The following CCZ1B variants were observed in gnomAD, a reference collection of about 807,000 sequenced individuals.
CCZ1B encodes vacuolar fusion protein CCZ1 homolog B.
In CCZ1B, 25 loss-of-function variants were observed where a neutral mutation model predicts 58.8. That is an observed-to-expected ratio of 0.43 (90% confidence interval 0.31 to 0.59). The LOEUF (loss-of-function observed/expected upper bound fraction) is 0.59. Ranked by LOEUF, CCZ1B falls within the 20% of genes least tolerant of loss-of-function variation. The pLI, the probability that CCZ1B is intolerant of heterozygous loss-of-function variation, is 0.12. For synonymous variants in CCZ1B, 66 were observed against 173.2 expected, an observed-to-expected ratio of 0.38 and a Z score of 4.86; for missense variants, 180 against 501.5, an observed-to-expected ratio of 0.36 and a Z score of 6.12.
intron 7 of CCZ1B, among the ~76,000 whole-genome samples, chr7:6,818,604 A>C (rs1783049323): frequency 7.8e-6 from 1 of 128,904 alleles, no homozygotes; most frequent in Non-Finnish European, 1.6e-5. Flanking sequence ...AGAAAGAAAG[A>C]AAGAAAGAAA....
Position 6,824,479 on chromosome 7 carries a change from T to C in CCZ1B, c.288A>G (p.Pro96=), listed in dbSNP as rs909092046. 5 of 1,606,580 alleles carry C rather than the reference T, an allele frequency of 3.1e-6. No individual in the cohort carries two copies. The highest frequency in any genetic ancestry group is 4.2e-6 in the Non-Finnish European group (5 of 1,178,180). The stretch of plus-strand genomic sequence containing the variant: ...CCATGACCATCCAGAAATTTTCTTC[T>C]GGTTCATTGAAGAACTGTCTGTTCT... ...TQKNRQFFNE[P]EENFWMVMVV... Residue 96 remains proline, a synonymous_variant, in exon 3 of 15, where the codon CCA becomes CCG. Coordinates refer to ENST00000316731, the MANE Select transcript of CCZ1B (RefSeq NM_198097.5).
chr7:6,818,565 CAGAA>C (rs1783046860), intron 7 of CCZ1B, among the ~76,000 whole-genome samples: 1 of 105,492 alleles, frequency 9.5e-6, no homozygotes, highest in Non-Finnish European at 2.0e-5. Context: ...GAAAGAAAGA[CAGAA>C]AGAAAGACAG....
At chr7:6,813,162 C>G in intron 8 of CCZ1B, 125 bp from the exon 9 acceptor site, 1 of 1,418,326 alleles carries the variant, frequency 7.1e-7, no homozygotes, top group Non-Finnish European at 9.7e-7. Context: ...GAGACAGGAT[C>G]TTGTTCTGTT....
At chr7:6,818,287 A>G (rs1489222922) in intron 7 of CCZ1B, among the ~76,000 whole-genome samples, 2 of 149,818 alleles carry the variant, frequency 1.3e-5, no homozygotes, top group African/African-American at 5.0e-5. Context: ...GGTGGCTCAC[A>G]CCTGTAATCG....
In CCZ1B at chr7:6,815,162, A is replaced by T. The variant is rs1312540525; in HGVS notation, c.699-317T>A. 3.7e-3 allele frequency among the ~76,000 whole-genome samples: 511 copies of T among 138,972 alleles called. 20 individuals are homozygous for T. The highest frequency in any genetic ancestry group is 7.2e-3 in the Middle Eastern group (2 of 278). The allele number at this position is 138,972 out of a possible 152,430, so 91.2% of individuals were successfully genotyped here. A position where few individuals can be genotyped will look rare whatever the true frequency, so the allele number is the denominator to read the frequency against. ...AAAGCTCATTTTTTATTAAAAAAAAATTTTTTTTTCTTTTTTTTTTTTGAG... is the reference window on the plus strand; with the variant it reads ...AAAGCTCATTTTTTATTAAAAAAAATTTTTTTTTTCTTTTTTTTTTTTGAG... On this transcript the variant is annotated intron_variant, in intron 7 of 14. Transcript: ENST00000316731.
chr7:6,815,789 C>T (rs1782990772), intron 7 of CCZ1B, among the ~76,000 whole-genome samples: 1 of 148,722 alleles, frequency 6.7e-6, no homozygotes, highest in East Asian at 1.9e-4. Flanking sequence ...GGATTGGACT[C>T]GCTGGTTGAA....
chr7:6,819,123 G>GAA (rs1173368085), intron 7 of CCZ1B, among the ~76,000 whole-genome samples: 15,184 of 65,414 alleles, frequency 0.23, 1,900 homozygotes, highest in South Asian at 0.47. Context: ...ATCTCTATAA[G>GAA]AAAAAAAAAA....
At chr7:6,815,922 T>C (rs1782992921) in intron 7 of CCZ1B, among the ~76,000 whole-genome samples, 1 of 145,662 alleles carries the variant, frequency 6.9e-6, no homozygotes, top group African/African-American at 2.6e-5. Flanking sequence ...CCTGGGAAAA[T>C]ATGGGTATGC....
rs775276709 is a variant in CCZ1B, at chr7:6,823,393, T to C, written c.391-33A>G. 5.0e-6 allele frequency: 8 copies of C among 1,605,306 alleles called. No homozygotes were observed. The Admixed American group carries it at 1.3e-4, about 27-fold the overall frequency. ...CGCGAAAACACAGCACACAGCTCAG[T>C]TCAAGGGAAAAACAATGTCTACTGG... On this transcript the variant is annotated intron_variant, in intron 4 of 14. Coordinates refer to ENST00000316731, the MANE Select transcript of CCZ1B (RefSeq NM_198097.5).
intron 10 of CCZ1B, among the ~76,000 whole-genome samples, chr7:6,809,463 G>A (rs538707992): frequency 2.1e-5 from 3 of 146,250 alleles, no homozygotes; most frequent in South Asian, 2.2e-4. Flanking sequence ...AAATGCAGCC[G>A]ACAGCATATT....
In CCZ1B at chr7:6,823,343, C is replaced by T. The variant is rs754203727; in HGVS notation, c.408G>A (p.Ser136=). 42 of 1,607,896 alleles carry T rather than the reference C, an allele frequency of 2.6e-5. No individual in the cohort carries two copies. The highest frequency in any genetic ancestry group is 1.7e-4 in the Middle Eastern group (1 of 6,044). The change falls in exon 5 of 15, where the codon TCG becomes TCA. Residue 136 remains serine, a synonymous_variant. Transcript: ENST00000316731. ...ACATGCTGTAGCACTGCCGCAGCAC[C>T]GAGCTATAAACCTTGTCCTGCAGAC... ...EEELLDKVYS[S]VLRQCYSMYK... is the part of the protein sequence containing the mutation.
chr7:6,818,683 A>C (rs988857625), intron 7 of CCZ1B, among the ~76,000 whole-genome samples: 15 of 83,276 alleles, frequency 1.8e-4, no homozygotes, highest in South Asian at 4.6e-4. Flanking sequence ...GAAAGAAAGA[A>C]AGAAAGAAAG....
chr7:6,825,248 T>C (rs1215807426), intron 1 of CCZ1B, among the ~76,000 whole-genome samples: 1 of 147,006 alleles, frequency 6.8e-6, no homozygotes, highest in African/African-American at 2.6e-5. Flanking sequence ...TTGTTTTTTT[T>C]TTCTTTTTCT....
At chr7:6,808,384 CAAAAAA>C (rs766038650) in intron 10 of CCZ1B, among the ~76,000 whole-genome samples, 6 of 94,608 alleles carry the variant, frequency 6.3e-5, no homozygotes, top group African/African-American at 7.9e-5. Context: ...ACCAAAAAAC[CAAAAAA>C]AAAAAAAACA....
chr7:6,803,910 T>G (rs1342709868), intron 12 of CCZ1B, among the ~76,000 whole-genome samples: 1 of 141,884 alleles, frequency 7.0e-6, no homozygotes, highest in African/African-American at 2.6e-5. Context: ...GAACAGACCA[T>G]TGCACACTCC....
intron 6 of CCZ1B, among the ~76,000 whole-genome samples, chr7:6,821,129 C>T (rs1265356858): frequency 1.3e-5 from 2 of 149,042 alleles, no homozygotes; most frequent in Non-Finnish European, 3.0e-5. Context: ...CTGCCTCAGC[C>T]TCCAGAATAG....
intron 8 of CCZ1B, 32 bp from the exon 9 acceptor site, chr7:6,813,069 A>G (rs1782943419): frequency 6.8e-7 from 1 of 1,464,254 alleles, no homozygotes; most frequent in South Asian, 1.2e-5. Flanking sequence ...AGAATGACTT[A>G]TCAGACTTTT....
At position 6,814,885 on chromosome 7, in the gene CCZ1B, T is replaced by C. The variant is rs1353235673; in HGVS notation, c.699-40A>G. ...AAGCACTGGGTTAAACGTTTCGAAC[T>C]GTCTTCTGTCTTTCCACTGCTGTGA... On this transcript the variant is annotated intron_variant, in intron 7 of 14. Transcript: ENST00000316731. The C allele has an allele frequency of 2.8e-6, 4 of 1,447,486 alleles. No individual in the cohort carries two copies. The Middle Eastern group carries it at 5.4e-4, about 196-fold the overall frequency. The allele number at this position is 1,447,486 out of a possible 1,614,324, so 89.7% of individuals were successfully genotyped here. A position where few individuals can be genotyped will look rare whatever the true frequency, so the allele number is the denominator to read the frequency against.
rs199643615 is a variant in CCZ1B at position 6,823,334 on chromosome 7, C to T, written c.417G>A (p.Arg139=). 2 of 1,607,836 alleles carry T rather than the reference C, an allele frequency of 1.2e-6. No individual in the cohort carries two copies. Among genetic ancestry groups the T allele is most frequent in the East Asian group, 4.5e-5 (2 of 44,862 alleles). Residue 139 remains arginine (R), a synonymous_variant, in exon 5 of 15, where the codon CGG becomes CGA. Coordinates refer to ENST00000316731, the MANE Select transcript of CCZ1B (RefSeq NM_198097.5). ...LLDKVYSSVL[R]QCYSMYKLFN... is the part of the protein sequence containing the mutation. ...TTACCTTGTACATGCTGTAGCACTGCCGCAGCACCGAGCTATAAACCTTGT... is the reference window on the plus strand; with the variant it reads ...TTACCTTGTACATGCTGTAGCACTGTCGCAGCACCGAGCTATAAACCTTGT...
Sources: gnomAD v4.1 joint callset for allele counts (sites outside exome capture counted in the v4.1 genomes callset) on GRCh38, gnomAD v4.1.1 for gene constraint, MANE v1.5 for transcripts, NCBI Gene and HGNC (gene_info 2026-07-23, HGNC 2026-07-21) for gene names.